IFT88: variants seen among roughly 807,000 people sequenced by gnomAD.
The protein encoded by IFT88 is intraflagellar transport protein 88 homolog.
Under a neutral mutation model 119.5 loss-of-function variants are expected in IFT88, and 74 were observed. That is an observed-to-expected ratio of 0.62 (90% CI 0.51 to 0.75). IFT88 has a LOEUF of 0.75. Among genes scored for constraint, IFT88 ranks in the 30% least tolerant of loss-of-function variants. IFT88 has a pLI of 0.00. For missense variants in IFT88, 961 were observed against 977.7 expected (o/e 0.98, Z 0.23); for synonymous variants, 279 against 316.7 (o/e 0.88, Z 1.26).
At chr13:20,598,262 C>G (rs796173044) in intron 9 of IFT88, among the ~76,000 whole-genome samples, 52 of 152,154 alleles carry the variant, frequency 3.4e-4, no homozygotes, top group African/African-American at 1.2e-3. Flanking sequence ...GCTTACTATA[C>G]AGATTCTTCT....
intron 20 of IFT88, among the ~76,000 whole-genome samples, chr13:20,648,321 G>A (rs746708209): frequency 1.3e-5 from 2 of 152,146 alleles, no homozygotes; most frequent in African/African-American, 2.4e-5. Flanking sequence ...GCTTGAACCC[G>A]GGAGGCGGAG....
At chr13:20,598,965 ATC>A (rs1446148753) in intron 10 of IFT88, among the ~76,000 whole-genome samples, 2 of 152,086 alleles carry the variant, frequency 1.3e-5, no homozygotes, top group African/African-American at 4.8e-5. Flanking sequence ...GCCTAATAGT[ATC>A]CTGTTATCAC....
At chr13:20,587,184 A>G (rs544237149) in intron 3 of IFT88, among the ~76,000 whole-genome samples, 7 of 152,102 alleles carry the variant, frequency 4.6e-5, no homozygotes, top group South Asian at 4.2e-4. Context: ...TAATATGTCA[A>G]TTAGGTAAAG....
chr13:20,654,711 G>A (rs2052436575), intron 21 of IFT88, among the ~76,000 whole-genome samples: 1 of 152,144 alleles, frequency 6.6e-6, no homozygotes. Flanking sequence ...ACATAACTCA[G>A]TGTATTCCTC....
At chr13:20,662,710 C>A (rs1024721733) in intron 22 of IFT88, among the ~76,000 whole-genome samples, 1 of 151,930 alleles carries the variant, frequency 6.6e-6, no homozygotes, top group Non-Finnish European at 1.5e-5. Flanking sequence ...ATGGCAAAGG[C>A]CATTCTTACA....
intron 3 of IFT88, among the ~76,000 whole-genome samples, chr13:20,587,397 A>G (rs567785539): frequency 6.6e-6 from 1 of 152,162 alleles, no homozygotes; most frequent in Non-Finnish European, 1.5e-5. Flanking sequence ...AGCTGAGACT[A>G]CAGGCGTGAG....
intron 24 of IFT88, among the ~76,000 whole-genome samples, chr13:20,690,472 T>G (rs1403716623): frequency 6.6e-6 from 1 of 152,214 alleles, no homozygotes; most frequent in Non-Finnish European, 1.5e-5. Context: ...AAGCACACAT[T>G]TGAAAGAATA....
chr13:20,588,476 C>T (rs2040108665), intron 3 of IFT88, among the ~76,000 whole-genome samples: 1 of 152,074 alleles, frequency 6.6e-6, no homozygotes, highest in Admixed American at 6.6e-5. Context: ...AATTGAGAGA[C>T]ATTATAAATG....
At chr13:20,666,980 T>G (rs2054815163) in intron 23 of IFT88, among the ~76,000 whole-genome samples, 1 of 152,184 alleles carries the variant, frequency 6.6e-6, no homozygotes, top group South Asian at 2.1e-4. Context: ...AAAAATACTG[T>G]TTTATAACCT....
intron 4 of IFT88, 73 bp downstream of exon 4, chr13:20,589,940 A>G: frequency 1.2e-6 from 1 of 825,566 alleles, no homozygotes; most frequent in Non-Finnish European, 2.0e-6. Context: ...AGTTCTGAAT[A>G]ATTTTATTAT....
At chr13:20,679,619 T>C (rs9552257) in intron 24 of IFT88, among the ~76,000 whole-genome samples, 150,879 of 152,320 alleles carry the variant, frequency 0.99, 74,739 homozygotes, top group East Asian at 1. Context: ...ACAAGTCATA[T>C]GATGATTAGG....
At chr13:20,569,223 G>T (rs2035675516) in intron 1 of IFT88, among the ~76,000 whole-genome samples, 1 of 151,122 alleles carries the variant, frequency 6.6e-6, no homozygotes, top group Non-Finnish European at 1.5e-5. Context: ...TTCTTTCTTA[G>T]ATATGATACC....
intron 15 of IFT88, among the ~76,000 whole-genome samples, chr13:20,628,638 G>A (rs929155806): frequency 1.3e-5 from 2 of 152,076 alleles, no homozygotes; most frequent in South Asian, 2.1e-4. Context: ...AAACTTGAGC[G>A]AAAAAATACC....
At chr13:20,587,917 A>G (rs1406019224) in intron 3 of IFT88, among the ~76,000 whole-genome samples, 2 of 148,426 alleles carry the variant, frequency 1.3e-5, no homozygotes, top group East Asian at 2.0e-4. Flanking sequence ...TAACAATCTT[A>G]TTATTTTAGT....
chr13:20,665,171 A>G (rs1413569154), intron 23 of IFT88, among the ~76,000 whole-genome samples: 2 of 152,314 alleles, frequency 1.3e-5, no homozygotes, highest in East Asian at 3.9e-4. Flanking sequence ...CTAAATTTTC[A>G]GACTATTCAA....
At chr13:20,585,511 C>G (rs1566081501) in intron 3 of IFT88, among the ~76,000 whole-genome samples, 1 of 152,220 alleles carries the variant, frequency 6.6e-6, no homozygotes, top group Non-Finnish European at 1.5e-5. Context: ...GAATCCTACT[C>G]TAGACTTTGG....
At chr13:20,593,521 C>CT (rs36063547) in intron 7 of IFT88, among the ~76,000 whole-genome samples, 1,538 of 150,542 alleles carry the variant, frequency 0.01, 7 homozygotes, top group Middle Eastern at 0.028. Context: ...AATTGTAATT[C>CT]TTTTTTTTTG....
intron 24 of IFT88, among the ~76,000 whole-genome samples, chr13:20,678,513 C>T (rs1436426928): frequency 6.6e-6 from 1 of 152,230 alleles, no homozygotes; most frequent in Non-Finnish European, 1.5e-5. Context: ...GGCTGATTAT[C>T]TGCAGCAAAA....
intron 8 of IFT88, 148 bp downstream of exon 8, chr13:20,596,388 T>C: frequency 2.9e-6 from 1 of 348,234 alleles, no homozygotes; most frequent in Non-Finnish European, 5.4e-6. Context: ...CCAGGAATTG[T>C]AACTCAGTTT....
Sources: gnomAD v4.1 joint callset for allele counts (sites outside exome capture counted in the v4.1 genomes callset) on GRCh38, gnomAD v4.1.1 for gene constraint, MANE v1.5 for transcripts, NCBI Gene and HGNC (gene_info 2026-07-23, HGNC 2026-07-21) for gene names.